Variants in DIAPH2 observed in about 807,000 individuals in gnomAD.
The protein encoded by DIAPH2 is protein diaphanous homolog 2.
In DIAPH2, 35 loss-of-function variants were observed where a neutral mutation model predicts 92.7. The ratio of observed to expected loss-of-function variants is 0.38; its 90% CI spans 0.29 to 0.50. The LOEUF (loss-of-function observed/expected upper bound fraction) is 0.50. DIAPH2 is among the 20% of genes least tolerant of loss of function. The pLI is 0.94. For synonymous variants in DIAPH2, 301 were observed against 280.4 expected, an observed-to-expected ratio of 1.07 and a Z score of -0.73; for missense variants, 701 against 819.5, an observed-to-expected ratio of 0.86 and a Z score of 1.77.
At chrX:97,187,281 CTTTTTTTTT>C (rs763781923) in intron 22 of DIAPH2, among the ~76,000 whole-genome samples, 4 of 36,889 alleles carry the variant, frequency 1.1e-4, no homozygotes, top group Admixed American at 5.9e-4. Flanking sequence ...ATTAAGTAGC[CTTTTTTTTT>C]TTTTTTTTTT....
intron 17 of DIAPH2, among the ~76,000 whole-genome samples, chrX:97,061,957 C>G (rs1050572946): frequency 9.0e-6 from 1 of 110,945 alleles, no homozygotes; most frequent in African/African-American, 3.3e-5. Flanking sequence ...GCAGTGGTAT[C>G]TTATATTCAT....
At chrX:96,824,932 T>C (rs1268509441) in intron 4 of DIAPH2, among the ~76,000 whole-genome samples, 1 of 109,084 alleles carries the variant, frequency 9.2e-6, no homozygotes, top group African/African-American at 3.3e-5. Context: ...CCAGTATTAA[T>C]GTTTTTCTTT....
intron 22 of DIAPH2, among the ~76,000 whole-genome samples, chrX:97,212,370 G>C (rs902531354): frequency 1.3e-5 from 1 of 77,832 alleles, no homozygotes; most frequent in Non-Finnish European, 3.0e-5. Context: ...TCTCCATTTT[G>C]TGGGTTATTT....
intron 22 of DIAPH2, among the ~76,000 whole-genome samples, chrX:97,146,741 T>G (rs1415492642): frequency 1.8e-5 from 2 of 112,071 alleles, no homozygotes; most frequent in Non-Finnish European, 3.8e-5. Context: ...GGCATATTTT[T>G]CTAGACCTCT....
At position 96,962,283 on chromosome X, in the gene DIAPH2, A is replaced by G. The variant is rs1299042338; in HGVS notation, c.1936-2810A>G. On this transcript the variant is annotated intron_variant, in intron 16 of 26. Coordinates refer to ENST00000324765, the MANE Select transcript of DIAPH2 (RefSeq NM_006729.5). ...TTTCTATATATATATACATATATAT[A>G]TACATATATATATATACATATATAT... Among the ~76,000 whole-genome samples the G allele has an allele frequency of 9.5e-5, 7 of 73,757 alleles. 1 individual carries two copies. Among genetic ancestry groups the G allele is most frequent in the Admixed American group, 4.8e-4 (3 of 6,219 alleles). The allele number at this position is 73,757 out of a possible 115,157, so 64.0% of individuals were successfully genotyped here. A position where few individuals can be genotyped will look rare whatever the true frequency, so the allele number is the denominator to read the frequency against.
At chrX:97,309,845 G>A (rs1370766332) in intron 23 of DIAPH2, among the ~76,000 whole-genome samples, 2 of 112,011 alleles carry the variant, frequency 1.8e-5, no homozygotes, top group Non-Finnish European at 3.8e-5. Context: ...CATTTGAATG[G>A]GAAAACCTAG....
chrX:97,479,580 C>T (rs185306090), intron 26 of DIAPH2, among the ~76,000 whole-genome samples: 149 of 111,782 alleles, frequency 1.3e-3, no homozygotes, highest in African/African-American at 4.5e-3. Context: ...TTCTATTTCC[C>T]CAATTAACTT....
intron 17 of DIAPH2, among the ~76,000 whole-genome samples, chrX:97,064,797 T>TA (rs1012543342): frequency 9.0e-6 from 1 of 111,227 alleles, no homozygotes; most frequent in Non-Finnish European, 1.9e-5. Context: ...GGAAGTTTTT[T>TA]ATCTCAAATT....
chrX:97,524,411 T>C (rs999863364), intron 26 of DIAPH2, among the ~76,000 whole-genome samples: 5 of 112,319 alleles, frequency 4.5e-5, no homozygotes, highest in African/African-American at 1.3e-4. Context: ...CCAGGTACCA[T>C]AGTAAAAATG....
intron 26 of DIAPH2, among the ~76,000 whole-genome samples, chrX:97,444,318 A>C (rs1192523729): frequency 9.1e-6 from 1 of 109,955 alleles, no homozygotes; most frequent in African/African-American, 3.3e-5. Context: ...AATTTCATAC[A>C]TTATTCACAA....
intron 9 of DIAPH2, among the ~76,000 whole-genome samples, chrX:96,921,765 T>C (rs923991307): frequency 2.8e-5 from 3 of 107,150 alleles, no homozygotes; most frequent in Non-Finnish European, 1.9e-5. Context: ...TTTTGTTCCC[T>C]ATGTTCTATC....
intron 5 of DIAPH2, among the ~76,000 whole-genome samples, chrX:96,898,753 G>C: frequency 9.5e-6 from 1 of 105,136 alleles, no homozygotes; most frequent in Non-Finnish European, 2.0e-5. Context: ...TGTCAATTTT[G>C]TCTTTTGTTG....
At chrX:96,686,834 G>A (rs2063773556) in intron 1 of DIAPH2, among the ~76,000 whole-genome samples, 1 of 111,736 alleles carries the variant, frequency 8.9e-6, no homozygotes, top group South Asian at 3.7e-4. Context: ...TTAGAAGTTT[G>A]CTAGTAAGAT....
At chrX:97,292,420 T>C (rs1435014897) in intron 23 of DIAPH2, among the ~76,000 whole-genome samples, 1 of 112,107 alleles carries the variant, frequency 8.9e-6, no homozygotes, top group African/African-American at 3.2e-5. Context: ...TGATGAAATT[T>C]GTACTACCAG....
chrX:97,195,660 C>CAA (rs35918745), intron 22 of DIAPH2, among the ~76,000 whole-genome samples: 714 of 52,511 alleles, frequency 0.014, 23 homozygotes, highest in African/African-American at 0.052. Flanking sequence ...GACTCCGTCT[C>CAA]AAAAAAAAAA....
rs752101731 is a variant in DIAPH2, at chrX:96,939,668, A to ATTTTTT, written c.1325+295_1325+300dup. Among the ~76,000 whole-genome samples the ATTTTTT allele has an allele frequency of 5.0e-4, 24 of 48,241 alleles. 5 individuals are homozygous for ATTTTTT. The highest frequency in any genetic ancestry group is 1.6e-3 in the South Asian group (1 of 614). The allele number at this position is 48,241 out of a possible 115,157, so 41.9% of individuals were successfully genotyped here. ...ATAAGAGTTTGACTCTTTAGGTAAC[A>ATTTTTT]TTTTTTTTTTTTTTGAGACGGAGTT... On this transcript the variant is annotated intron_variant, in intron 12 of 26. Transcript: ENST00000324765.
chrX:97,065,507 A>G (rs941044038), intron 17 of DIAPH2, among the ~76,000 whole-genome samples: 1 of 111,810 alleles, frequency 8.9e-6, no homozygotes, highest in East Asian at 2.8e-4. Context: ...CATTACTCAC[A>G]TGTTTGTGGT....
intron 26 of DIAPH2, among the ~76,000 whole-genome samples, chrX:97,560,087 G>T (rs1332369618): frequency 9.0e-6 from 1 of 111,495 alleles, no homozygotes; most frequent in Non-Finnish European, 1.9e-5. Flanking sequence ...CTTCCTGAAG[G>T]TGACCCATAT....
intron 22 of DIAPH2, among the ~76,000 whole-genome samples, chrX:97,194,697 G>C (rs1016289857): frequency 8.9e-6 from 1 of 111,878 alleles, no homozygotes; most frequent in Admixed American, 9.5e-5. Flanking sequence ...TATTGTTATA[G>C]AGTTTAAGCT....
Sources: gnomAD v4.1 joint callset for allele counts (sites outside exome capture counted in the v4.1 genomes callset) on GRCh38, gnomAD v4.1.1 for gene constraint, MANE v1.5 for transcripts, NCBI Gene and HGNC (gene_info 2026-07-23, HGNC 2026-07-21) for gene names.